INPP4B: variants seen among roughly 807,000 people sequenced by gnomAD.
INPP4B encodes the protein inositol polyphosphate 4-phosphatase type II.
Under a neutral mutation model 122.5 loss-of-function variants are expected in INPP4B, and 55 were observed. The ratio of observed to expected loss-of-function variants is 0.45; its 90% CI spans 0.36 to 0.56. The LOEUF is 0.56. INPP4B is among the 20% of genes least tolerant of loss of function. INPP4B has a pLI of 0.00. For missense variants in INPP4B, 1,000 were observed against 1,097.7 expected, an observed-to-expected ratio of 0.91 and a Z score of 1.26; for synonymous variants, 403 against 388.7, an observed-to-expected ratio of 1.04 and a Z score of -0.43.
At chr4:142,838,033 GT>G (rs546156996) in intron 1 of INPP4B, among the ~76,000 whole-genome samples, 134 of 143,328 alleles carry the variant, frequency 9.3e-4, no homozygotes, top group Admixed American at 2.2e-3. Context: ...GGAAAGTGGT[GT>G]TTTTTTTTTT....
chr4:142,546,936 T>C (rs1412509254), intron 2 of INPP4B, among the ~76,000 whole-genome samples: 4 of 152,162 alleles, frequency 2.6e-5, no homozygotes, highest in African/African-American at 9.7e-5. Flanking sequence ...ACCATCCAGA[T>C]GTAAGCAATA....
chr4:142,667,110 T>C (rs1462279472), intron 2 of INPP4B, among the ~76,000 whole-genome samples: 3 of 152,188 alleles, frequency 2.0e-5, no homozygotes, highest in Non-Finnish European at 4.4e-5. Flanking sequence ...CATAATAGGC[T>C]CAAAACCATG....
At chr4:142,729,514 G>GAGTA (rs113797334) in intron 1 of INPP4B, among the ~76,000 whole-genome samples, 1 of 16,604 alleles carries the variant, frequency 6.0e-5, no homozygotes, top group African/African-American at 2.1e-4. Flanking sequence ...TATAGCAGTG[G>GAGTA]AAAAAGGAAA....
chr4:142,203,841 A>G (rs2149473985), intron 14 of INPP4B, among the ~76,000 whole-genome samples: 1 of 151,482 alleles, frequency 6.6e-6, no homozygotes, highest in African/African-American at 2.4e-5. Context: ...AATGGTAAAG[A>G]TGAAAAAAAA....
At chr4:142,815,750 C>G (rs1780046629) in intron 1 of INPP4B, among the ~76,000 whole-genome samples, 1 of 152,022 alleles carries the variant, frequency 6.6e-6, no homozygotes, top group Non-Finnish European at 1.5e-5. Context: ...GTTTATTTTT[C>G]TTTATCCCAA....
chr4:142,164,674 C>T (rs1282714709), intron 16 of INPP4B, among the ~76,000 whole-genome samples: 1 of 151,764 alleles, frequency 6.6e-6, no homozygotes, highest in African/African-American at 2.4e-5. Context: ...CTCTCAAACT[C>T]CTATGGGAGT....
intron 23 of INPP4B, among the ~76,000 whole-genome samples, chr4:142,090,128 C>T (rs1017772590): frequency 1.3e-5 from 2 of 152,046 alleles, no homozygotes; most frequent in African/African-American, 2.4e-5. Context: ...TTTAATAAGC[C>T]ATTTTAAACA....
chr4:142,471,065 G>C (rs911543440), intron 2 of INPP4B, among the ~76,000 whole-genome samples: 1 of 152,140 alleles, frequency 6.6e-6, no homozygotes, highest in Non-Finnish European at 1.5e-5. Flanking sequence ...TATGGTTTGT[G>C]TAGCAGGTAA....
intron 21 of INPP4B, among the ~76,000 whole-genome samples, chr4:142,115,401 C>T (rs1015542211): frequency 3.3e-5 from 5 of 152,230 alleles, no homozygotes; most frequent in African/African-American, 1.2e-4. Flanking sequence ...ATGTTAAGGG[C>T]AGTCAGAGAG....
At position 142,645,572 on chromosome 4, in the gene INPP4B, C is replaced by T. The variant is rs554629168; in HGVS notation, c.-191+80267G>A. Among the ~76,000 whole-genome samples the T allele has an allele frequency of 3.3e-5, 5 of 152,280 alleles. No individual in the cohort carries two copies. The South Asian group carries it at 1.0e-3, about 32-fold the overall frequency. ...GCTATCCACATCCTCTTCTCCCCTT[C>T]CCACTTTTAGAAAAACAGCCATGAG... On this transcript the variant is annotated intron_variant, in intron 2 of 25. Coordinates refer to ENST00000262992, the MANE Select transcript of INPP4B (RefSeq NM_001101669.3).
At chr4:142,169,521 A>G (rs1422364776) in intron 16 of INPP4B, among the ~76,000 whole-genome samples, 2 of 151,678 alleles carry the variant, frequency 1.3e-5, no homozygotes, top group African/African-American at 4.8e-5. Flanking sequence ...TGGCATTGCT[A>G]TTATAGAAAA....
chr4:142,146,970 G>T (rs942467416), intron 17 of INPP4B, among the ~76,000 whole-genome samples: 3 of 152,132 alleles, frequency 2.0e-5, no homozygotes, highest in African/African-American at 7.2e-5. Flanking sequence ...GCTATTAATT[G>T]TTTAAATACT....
rs149307899 is a variant in INPP4B, at chr4:142,388,932, A to T, written c.372+14006T>A. Among the ~76,000 whole-genome samples, 1,097 of 152,036 alleles carry T rather than the reference A, an allele frequency of 7.2e-3. 8 individuals are homozygous for T. Among genetic ancestry groups the T allele is most frequent in the African/African-American group, 0.024 (1,005 of 41,458 alleles). ...TTTTCCTAAGCCTGTGTTTCCAAGG[A>T]CTCCACCCTAAAGCCAGTATCCAAT... On this transcript the variant is annotated intron_variant, in intron 7 of 25. Coordinates refer to ENST00000262992, the MANE Select transcript of INPP4B (RefSeq NM_001101669.3).
At chr4:142,370,885 C>A (rs1439204467) in intron 7 of INPP4B, among the ~76,000 whole-genome samples, 1 of 151,868 alleles carries the variant, frequency 6.6e-6, no homozygotes, top group African/African-American at 2.4e-5. Context: ...TAAATGCAAC[C>A]CCTATCAAAA....
chr4:142,326,084 AAACATAAGAGATTCTG>A (rs1224845461), intron 7 of INPP4B, among the ~76,000 whole-genome samples: 1 of 152,198 alleles, frequency 6.6e-6, no homozygotes, highest in African/African-American at 2.4e-5. Context: ...AGCTTTTCTA[AAACATAAGAGATTCTG>A]TCCTCCATAG....
At chr4:142,242,579 C>A (rs1463061359) in intron 11 of INPP4B, among the ~76,000 whole-genome samples, 3 of 152,216 alleles carry the variant, frequency 2.0e-5, no homozygotes, top group Admixed American at 1.3e-4. Context: ...GCTGAAAAAA[C>A]CAAGACAACC....
intron 23 of INPP4B, among the ~76,000 whole-genome samples, chr4:142,102,361 G>A (rs1476586965): frequency 1.3e-5 from 2 of 151,912 alleles, no homozygotes; most frequent in Non-Finnish European, 2.9e-5. Flanking sequence ...TATATTTAAG[G>A]GTTATATGTT....
At position 142,108,144 on chromosome 4, in the gene INPP4B, C is replaced by T. The variant is rs757219824; in HGVS notation, c.2323G>A (p.Glu775Lys). 6.2e-6 allele frequency: 10 copies of T among 1,600,830 alleles called. No homozygotes were observed. The highest frequency in any genetic ancestry group is 2.2e-5 in the South Asian group (2 of 90,424). The change falls in exon 23 of 26, where the codon GAA (glutamate) becomes AAA (lysine). Residue 775 changes from glutamate (E) to lysine (K), a missense_variant. Transcript: ENST00000262992. Reference protein sequence around the residue: ...LQESINQENFELLQEYYKIFM... With the variant: ...LQESINQENFKLLQEYYKIFM... ...ATCTTGTAATATTCTTGTAGAAGTT[C>T]GAAGTTTTCCTGATTAATACTTTCT...
chr4:142,504,573 A>G (rs1242370715), intron 2 of INPP4B, among the ~76,000 whole-genome samples: 3 of 152,196 alleles, frequency 2.0e-5, no homozygotes, highest in African/African-American at 7.2e-5. Context: ...AAATAAACAC[A>G]AAGACAAAAC....
Sources: gnomAD v4.1 joint callset for allele counts (sites outside exome capture counted in the v4.1 genomes callset) on GRCh38, gnomAD v4.1.1 for gene constraint, MANE v1.5 for transcripts, NCBI Gene and HGNC (gene_info 2026-07-23, HGNC 2026-07-21) for gene names.